Variants in DPP10 observed in about 807,000 individuals in gnomAD.
DPP10 encodes the protein dipeptidyl peptidase like 10.
DPP10 carries 33 observed loss-of-function variants against 120.9 expected under a neutral mutation model. That is an observed-to-expected ratio of 0.27 (90% confidence interval 0.21 to 0.37). DPP10 has a LOEUF of 0.37. DPP10 is among the 10% of genes least tolerant of loss of function. The probability of loss-of-function intolerance (pLI) is 1.00; values close to 1 mark genes in which losing one functional copy is unlikely to be tolerated. For missense variants in DPP10, 816 were observed against 942.8 expected, an observed-to-expected ratio of 0.87 and a Z score of 1.76; for synonymous variants, 337 against 326.1, an observed-to-expected ratio of 1.03 and a Z score of -0.36.
intron 1 of DPP10, among the ~76,000 whole-genome samples, chr2:114,930,713 A>T (rs13411772): frequency 6.6e-6 from 1 of 152,228 alleles, no homozygotes; most frequent in African/African-American, 2.4e-5. Flanking sequence ...CTGTACAAGA[A>T]GCATGGCAGT....
At chr2:115,754,246 G>C (rs988964105) in intron 11 of DPP10, among the ~76,000 whole-genome samples, 3 of 152,128 alleles carry the variant, frequency 2.0e-5, no homozygotes, top group Admixed American at 6.6e-5. Flanking sequence ...GCATTTATAG[G>C]ACAGGGACCA....
chr2:114,457,086 G>T (rs1353519068), intron 1 of DPP10, among the ~76,000 whole-genome samples: 2 of 152,214 alleles, frequency 1.3e-5, no homozygotes, highest in Non-Finnish European at 2.9e-5. Context: ...GATCAAGGAG[G>T]ATAGACTTGG....
intron 1 of DPP10, among the ~76,000 whole-genome samples, chr2:114,480,278 C>T (rs1680907346): frequency 6.6e-6 from 1 of 151,580 alleles, no homozygotes; most frequent in South Asian, 2.1e-4. Flanking sequence ...CTAGTTCAAC[C>T]CTTGTGGAAG....
At chr2:115,837,499 T>A (rs1363832528) in intron 24 of DPP10, among the ~76,000 whole-genome samples, 1 of 152,192 alleles carries the variant, frequency 6.6e-6, no homozygotes, top group African/African-American at 2.4e-5. Context: ...AAAGTCAAAG[T>A]CTTGAATCAA....
chr2:115,038,833 T>C (rs866739250), intron 1 of DPP10, among the ~76,000 whole-genome samples: 34 of 152,166 alleles, frequency 2.2e-4, no homozygotes, highest in Admixed American at 1.6e-3. Context: ...ATGGATTTTA[T>C]TGGGAACTTA....
intron 1 of DPP10, among the ~76,000 whole-genome samples, chr2:114,763,172 C>T (rs2106110626): frequency 6.6e-6 from 1 of 152,212 alleles, no homozygotes; most frequent in South Asian, 2.1e-4. Flanking sequence ...GGAGATACCG[C>T]AGGCCAGTCT....
intron 1 of DPP10, among the ~76,000 whole-genome samples, chr2:115,169,683 G>T (rs2053170404): frequency 6.6e-6 from 1 of 152,122 alleles, no homozygotes; most frequent in Non-Finnish European, 1.5e-5. Flanking sequence ...ACGGGAACAG[G>T]TGATATTATT....
At chr2:115,652,096 T>C (rs1048753838) in intron 5 of DPP10, among the ~76,000 whole-genome samples, 14 of 152,048 alleles carry the variant, frequency 9.2e-5, no homozygotes, top group Non-Finnish European at 4.4e-5. Flanking sequence ...AGATATAATA[T>C]AGAGGTGAAT....
intron 1 of DPP10, among the ~76,000 whole-genome samples, chr2:114,869,446 A>T (rs1432176382): frequency 1.3e-5 from 2 of 152,162 alleles, no homozygotes; most frequent in Admixed American, 1.3e-4. Flanking sequence ...GAGACAGCAG[A>T]TATCAAGGAT....
intron 1 of DPP10, among the ~76,000 whole-genome samples, chr2:114,648,863 TA>T (rs1302543175): frequency 6.6e-6 from 1 of 152,224 alleles, no homozygotes; most frequent in African/African-American, 2.4e-5. Context: ...TCCATTTAAG[TA>T]GGTAACTACT....
intron 1 of DPP10, among the ~76,000 whole-genome samples, chr2:115,122,402 G>A (rs2049870690): frequency 6.6e-6 from 1 of 152,172 alleles, no homozygotes; most frequent in South Asian, 2.1e-4. Context: ...CAATTTCTGG[G>A]ACCAGCCTTC....
At chr2:115,447,377 G>T (rs1054812668) in intron 3 of DPP10, among the ~76,000 whole-genome samples, 12 of 152,144 alleles carry the variant, frequency 7.9e-5, no homozygotes, top group Admixed American at 7.9e-4. Flanking sequence ...CAGACTTTTG[G>T]GTTACTGCTG....
intron 3 of DPP10, among the ~76,000 whole-genome samples, chr2:115,429,259 A>G (rs1015570886): frequency 1.3e-5 from 2 of 151,996 alleles, no homozygotes; most frequent in African/African-American, 4.8e-5. Flanking sequence ...GTATACGTGC[A>G]TCTGCTTTTC....
At chr2:114,943,833 T>A (rs1697152608) in intron 1 of DPP10, among the ~76,000 whole-genome samples, 2 of 152,220 alleles carry the variant, frequency 1.3e-5, no homozygotes, top group Non-Finnish European at 2.9e-5. Context: ...AACATATTTC[T>A]TTTCATTGTT....
At chr2:115,689,656 A>G (rs1421594910) in intron 5 of DPP10, 31 bp from the exon 6 acceptor site, 1 of 1,271,382 alleles carries the variant, frequency 7.9e-7, no homozygotes, top group Non-Finnish European at 1.1e-6. Context: ...AGATAAAGCT[A>G]TGATCAATAA....
intron 1 of DPP10, among the ~76,000 whole-genome samples, chr2:115,285,278 G>A (rs891909085): frequency 2.6e-5 from 4 of 151,944 alleles, no homozygotes; most frequent in Non-Finnish European, 5.9e-5. Context: ...CTTTAAAATA[G>A]CGAATTAACA....
intron 5 of DPP10, among the ~76,000 whole-genome samples, chr2:115,665,111 TGGTGACATAGTAAA>T (rs1246452771): frequency 1.3e-5 from 2 of 152,222 alleles, no homozygotes; most frequent in South Asian, 4.1e-4. Context: ...TGAAATACTC[TGGTGACATAGTAAA>T]GGTCTCATTC....
chr2:115,445,067 T>C (rs948973639), intron 3 of DPP10, among the ~76,000 whole-genome samples: 2 of 152,142 alleles, frequency 1.3e-5, no homozygotes, highest in African/African-American at 4.8e-5. Flanking sequence ...GTTTTATAAG[T>C]GTGGTTACCC....
intron 4 of DPP10, among the ~76,000 whole-genome samples, chr2:115,516,633 C>A (rs2077519790): frequency 6.8e-6 from 1 of 147,892 alleles, no homozygotes; most frequent in South Asian, 2.1e-4. Context: ...TGGTCAGATC[C>A]TTATATTTTT....
Sources: gnomAD v4.1 joint callset for allele counts (sites outside exome capture counted in the v4.1 genomes callset) on GRCh38, gnomAD v4.1.1 for gene constraint, MANE v1.5 for transcripts, NCBI Gene and HGNC (gene_info 2026-07-23, HGNC 2026-07-21) for gene names.